The following RBFOX3 variants were observed in gnomAD, a reference collection of about 807,000 sequenced individuals.
The protein encoded by RBFOX3 is RNA binding fox-1 homolog 3, also known as RNA binding protein fox-1 homolog 3.
In RBFOX3, 17 loss-of-function variants were observed where a neutral mutation model predicts 48.7. The ratio of observed to expected loss-of-function variants is 0.35; its 90% confidence interval spans 0.24 to 0.52. The LOEUF (loss-of-function observed/expected upper bound fraction) is 0.52. Ranked by LOEUF, RBFOX3 falls within the 20% of genes least tolerant of loss-of-function variation. The probability of loss-of-function intolerance (pLI) is 0.94; values close to 1 mark genes in which losing one functional copy is unlikely to be tolerated. For synonymous variants in RBFOX3, 212 were observed against 209.5 expected (o/e 1.01, Z -0.10); for missense variants, 382 against 497.5 (o/e 0.77, Z 2.21).
intron 2 of RBFOX3, among the ~76,000 whole-genome samples, chr17:79,464,491 C>T (rs528778055): frequency 2.0e-5 from 3 of 152,204 alleles, no homozygotes; most frequent in South Asian, 2.1e-4. Flanking sequence ...TCTGTCGGGG[C>T]GGCCCGAGGA....
intron 2 of RBFOX3, among the ~76,000 whole-genome samples, chr17:79,343,900 A>G (rs1327419092): frequency 2.0e-5 from 3 of 152,150 alleles, no homozygotes; most frequent in Non-Finnish European, 4.4e-5. Flanking sequence ...AAGCTCTTAC[A>G]TGAATCTCCC....
At chr17:79,464,104 G>A (rs2075999498) in intron 2 of RBFOX3, among the ~76,000 whole-genome samples, 1 of 152,252 alleles carries the variant, frequency 6.6e-6, no homozygotes, top group African/African-American at 2.4e-5. Flanking sequence ...CTTGACTGCT[G>A]CTTTGCTGGA....
intron 3 of RBFOX3, among the ~76,000 whole-genome samples, chr17:79,250,602 C>T (rs1463305757): frequency 6.6e-6 from 1 of 152,162 alleles, no homozygotes; most frequent in Non-Finnish European, 1.5e-5. Flanking sequence ...CAGATAAACA[C>T]GCTTGCTTGA....
chr17:79,637,200 G>A, the RBFOX3 span, among the ~76,000 whole-genome samples: 3 of 152,142 alleles, frequency 2.0e-5, no homozygotes, highest in South Asian at 4.1e-4. Context: ...CAATATAACA[G>A]TAGTAGGGGA....
chr17:79,441,056 G>A (rs1033568010), intron 2 of RBFOX3, among the ~76,000 whole-genome samples: 1 of 152,244 alleles, frequency 6.6e-6, no homozygotes, highest in Non-Finnish European at 1.5e-5. Flanking sequence ...TGCAGGGAGA[G>A]GATGCCGAGT....
intron 8 of RBFOX3, among the ~76,000 whole-genome samples, chr17:79,102,476 C>T (rs2076630661): frequency 6.6e-6 from 1 of 152,230 alleles, no homozygotes; most frequent in Admixed American, 6.5e-5. Flanking sequence ...CTCCTCCAGC[C>T]ACCCTTTGGC....
intron 2 of RBFOX3, among the ~76,000 whole-genome samples, chr17:79,449,329 G>A (rs1555740074): frequency 2.0e-5 from 3 of 151,364 alleles, no homozygotes; most frequent in Non-Finnish European, 2.9e-5. Flanking sequence ...CTGCCCCCAC[G>A]ATCCTTCCTC....
At chr17:79,206,284 A>C (rs188605200) in intron 4 of RBFOX3, among the ~76,000 whole-genome samples, 1,865 of 152,254 alleles carry the variant, frequency 0.012, 39 homozygotes, top group African/African-American at 0.042. Flanking sequence ...TTGGGAATAC[A>C]GCTCTAGCCT....
At chr17:79,641,932 A>T in the RBFOX3 span, among the ~76,000 whole-genome samples, 1 of 152,094 alleles carries the variant, frequency 6.6e-6, no homozygotes, top group Admixed American at 6.5e-5. Flanking sequence ...TTCCACCATG[A>T]TTATAAGTTT....
intron 2 of RBFOX3, among the ~76,000 whole-genome samples, chr17:79,414,194 G>A (rs1275383049): frequency 2.0e-5 from 3 of 152,036 alleles, no homozygotes; most frequent in South Asian, 2.1e-4. Context: ...AGGGACTTGC[G>A]GCAGCATTTT....
intron 1 of RBFOX3, among the ~76,000 whole-genome samples, chr17:79,539,150 G>A (rs981615417): frequency 6.6e-5 from 10 of 152,074 alleles, no homozygotes; most frequent in Non-Finnish European, 1.0e-4. Flanking sequence ...TCAGGAGTCC[G>A]AGACCAGCCT....
the RBFOX3 span, among the ~76,000 whole-genome samples, chr17:79,654,088 A>G: frequency 6.6e-6 from 1 of 152,112 alleles, no homozygotes; most frequent in Non-Finnish European, 1.5e-5. Context: ...TGCTAAAAGG[A>G]TAAACAAGGG....
chr17:79,131,015 T>C (rs149912271), intron 4 of RBFOX3, among the ~76,000 whole-genome samples: 759 of 151,880 alleles, frequency 5.0e-3, no homozygotes, highest in Non-Finnish European at 7.8e-3. Context: ...TGTGTGAGCA[T>C]GTGTGCCCCA....
chr17:79,588,365 A>G (rs2093317230), intron 1 of RBFOX3, among the ~76,000 whole-genome samples: 1 of 152,186 alleles, frequency 6.6e-6, no homozygotes, highest in Non-Finnish European at 1.5e-5. Context: ...TCTGGGCTTC[A>G]TCCCACCATG....
At chr17:79,152,991 G>A (rs1408430898) in intron 4 of RBFOX3, among the ~76,000 whole-genome samples, 7 of 152,336 alleles carry the variant, frequency 4.6e-5, no homozygotes, top group South Asian at 4.1e-4. Flanking sequence ...GGGTGGGCCC[G>A]CTGTCCAGAT....
chr17:79,660,056 G>A, the RBFOX3 span, among the ~76,000 whole-genome samples: 8 of 152,032 alleles, frequency 5.3e-5, no homozygotes, highest in African/African-American at 1.4e-4. Context: ...GCATGGTGGC[G>A]GGCGCCTGTA....
chr17:79,362,150 C>A lies in RBFOX3; in HGVS notation c.-174-54326G>T, dbSNP rs535521753. Among the ~76,000 whole-genome samples the A allele has an allele frequency of 9.2e-5, 14 of 152,360 alleles. No homozygotes were observed. The South Asian group carries it at 2.9e-3, about 32-fold the overall frequency. ...AGCTCACACACAGCCCTCCACGGGC[C>A]ACGGCCAAGCGCTGAGCCAACAGAG... On this transcript the variant is annotated intron_variant, in intron 2 of 14. Coordinates refer to ENST00000693108, the MANE Select transcript of RBFOX3 (RefSeq NM_001350451.2). The surrounding 1 kb of genome is among the most constrained non-coding windows in gnomAD (Gnocchi z 4.2).
Position 79,356,348 on chromosome 17 carries a change from GTTTTTTTTTTTTTTTTT to G in RBFOX3, c.-174-48541_-174-48525del, listed in dbSNP as rs58040659. Among the ~76,000 whole-genome samples the G allele has an allele frequency of 5.1e-4, 24 of 47,330 alleles. 3 individuals are homozygous for G. The highest frequency in any genetic ancestry group is 8.8e-4 in the African/African-American group (11 of 12,508). The allele number at this position is 47,330 out of a possible 152,430, so 31.1% of individuals were successfully genotyped here. ...ACTTTTTCACTTTTAAAACAGGGAAGTTTTTTTTTTTTTTTTTTTTTTTTTTTTTTTTTTTTTTGAGG... is the reference window on the plus strand; with the variant it reads ...ACTTTTTCACTTTTAAAACAGGGAAGTTTTTTTTTTTTTTTTTTTTTGAGG... On this transcript the variant is annotated intron_variant, in intron 2 of 14. Coordinates refer to ENST00000693108, the MANE Select transcript of RBFOX3 (RefSeq NM_001350451.2).
intron 4 of RBFOX3, among the ~76,000 whole-genome samples, chr17:79,201,103 C>T (rs1024462424): frequency 1.2e-4 from 17 of 146,970 alleles, no homozygotes; most frequent in South Asian, 4.3e-4. Context: ...ACAACAACAA[C>T]GACAACAACA....
Sources: gnomAD v4.1 joint callset for allele counts (sites outside exome capture counted in the v4.1 genomes callset) on GRCh38, gnomAD v4.1.1 for gene constraint, Gnocchi (gnomAD v3.1) non-coding constraint, MANE v1.5 for transcripts, NCBI Gene and HGNC (gene_info 2026-07-23, HGNC 2026-07-21) for gene names.